KIF18B: variants seen among roughly 807,000 people sequenced by gnomAD.
KIF18B encodes the protein kinesin family member 18B, also known as kinesin-like protein KIF18B.
A neutral mutation model predicts 80.9 loss-of-function variants in KIF18B; 49 were observed. The observed-to-expected ratio is 0.61, with a 90% CI of 0.48 to 0.77. The LOEUF is 0.77. KIF18B is among the 30% of genes least tolerant of loss of function. The pLI, the probability that KIF18B is intolerant of heterozygous loss-of-function variation, is 0.00. For synonymous variants in KIF18B, 439 were observed against 463.9 expected, an observed-to-expected ratio of 0.95 and a Z score of 0.69; for missense variants, 994 against 1,127.7, an observed-to-expected ratio of 0.88 and a Z score of 1.70.
chr17:44,944,345 C>T (rs781193764), intron 1 of KIF18B, among the ~76,000 whole-genome samples: 2 of 151,974 alleles, frequency 1.3e-5, no homozygotes, highest in Non-Finnish European at 2.9e-5. Context: ...CCGGTCCAAG[C>T]GATTCTCCTG....
chr17:44,946,980 G>A (rs1390021792), intron 1 of KIF18B, among the ~76,000 whole-genome samples: 1 of 151,618 alleles, frequency 6.6e-6, no homozygotes, highest in East Asian at 1.9e-4. Flanking sequence ...GTGGTGGTGG[G>A]CGCCTTTAAT....
At chr17:44,930,403 A>T (rs1434174329) in intron 11 of KIF18B, among the ~76,000 whole-genome samples, 1 of 152,252 alleles carries the variant, frequency 6.6e-6, no homozygotes, top group Middle Eastern at 3.2e-3. Flanking sequence ...ACTTCAGCAT[A>T]AGATTTCATT....
rs1357209729 is a variant in KIF18B, at chr17:44,928,817, A to T, written c.1723+2T>A. 2 of 1,613,164 alleles carry T rather than the reference A, an allele frequency of 1.2e-6. No homozygotes were observed. The highest frequency in any genetic ancestry group is 1.7e-6 in the Non-Finnish European group (2 of 1,179,598). The stretch of plus-strand genomic sequence containing the variant: ...GGCAGGGGAGAGCAGGATGAGACTC[A>T]CTTGACTCTGAACACAGCTCCTGAG... On this transcript the variant is annotated splice_donor_variant, in intron 12 of 15. Transcript: ENST00000593135. LOFTEE classifies it high-confidence loss of function.
intron 1 of KIF18B, among the ~76,000 whole-genome samples, chr17:44,940,005 T>A (rs1406518737): frequency 6.6e-6 from 1 of 152,144 alleles, no homozygotes; most frequent in Non-Finnish European, 1.5e-5. Context: ...GGTCTCCAAC[T>A]CCTGACCTCA....
At chr17:44,930,724 A>T (rs980025867) in intron 11 of KIF18B, among the ~76,000 whole-genome samples, 1 of 152,180 alleles carries the variant, frequency 6.6e-6, no homozygotes, top group Admixed American at 6.5e-5. Context: ...CTCTCTCCTT[A>T]TAACAGGGGA....
At chr17:44,941,282 A>C (rs1281123790) in intron 1 of KIF18B, among the ~76,000 whole-genome samples, 1 of 152,048 alleles carries the variant, frequency 6.6e-6, no homozygotes, top group Non-Finnish European at 1.5e-5. Context: ...CCTTTTATGG[A>C]ATTAGCGTTC....
At position 44,926,149 on chromosome 17, in the gene KIF18B, C is replaced by A. The variant is rs1327313970; in HGVS notation, c.2490G>T (p.Arg830Ser). 2.5e-6 allele frequency: 4 copies of A among 1,613,930 alleles called. No homozygotes were observed. Among genetic ancestry groups the A allele is most frequent in the Non-Finnish European group, 3.4e-6 (4 of 1,179,874 alleles). Reference protein sequence around the residue: ...PLSPLCPSNRRNGKDLIRVGR... With the variant: ...PLSPLCPSNRSNGKDLIRVGR... ...CCACCCTGATGAGGTCCTTTCCATTCCTCCGGTTGCTAGGGCACAGGGGAC... is the reference window on the plus strand; with the variant it reads ...CCACCCTGATGAGGTCCTTTCCATTACTCCGGTTGCTAGGGCACAGGGGAC... The change falls in exon 16 of 16, where the codon AGG becomes AGT. Residue 830 changes from arginine (R) to serine (S), a missense_variant. By Grantham distance (110) the Arg-to-Ser change is moderately radical. Transcript: ENST00000593135.
In KIF18B at chr17:44,946,667, A is replaced by C. The variant is rs1157906737; in HGVS notation, c.-15+961T>G. ...TGACGATGGAGGAACCAGTGTCTTC[A>C]GTAAAATCCCTTAAGTTCTGTGGCA... On this transcript the variant is annotated intron_variant, in intron 1 of 15. Transcript: ENST00000593135. Among the ~76,000 whole-genome samples the C allele has an allele frequency of 2.6e-5, 4 of 152,228 alleles. No individual in the cohort carries two copies. In the East Asian group the frequency reaches 7.7e-4, roughly 29 times the overall value.
In KIF18B at chr17:44,936,260, C is replaced by T. The variant is rs1305672907; in HGVS notation, c.85G>A (p.Val29Met). 6.2e-7 allele frequency: 1 copy of T among 1,610,480 alleles called. No homozygotes were observed. Reference protein sequence around the residue: ...PRELDSQRRPVVQVVDERVLV... With the variant: ...PRELDSQRRPMVQVVDERVLV... ...ACCCGCTCGTCCACCACCTGAACCA[C>T]TGGCCGCCGCTGACTGTCCAGCTCC... The change falls in exon 2 of 16, where the codon GTG becomes ATG. Residue 29 changes from valine to methionine, a missense_variant. Coordinates refer to ENST00000593135, the MANE Select transcript of KIF18B (RefSeq NM_001265577.2).
intron 1 of KIF18B, among the ~76,000 whole-genome samples, chr17:44,945,852 G>A (rs1304526904): frequency 1.3e-5 from 2 of 150,196 alleles, no homozygotes; most frequent in African/African-American, 4.9e-5. Flanking sequence ...GTTGCAGGGA[G>A]CTGAGGTGGT....
At chr17:44,947,136 AAAAAAAT>A (rs1167665335) in intron 1 of KIF18B, among the ~76,000 whole-genome samples, 3 of 145,528 alleles carry the variant, frequency 2.1e-5, no homozygotes, top group African/African-American at 7.8e-5. Context: ...AAAAAAAAAA[AAAAAAAT>A]TTTACTGCGT....
At chr17:44,947,408 G>C (rs56986638) in intron 1 of KIF18B, among the ~76,000 whole-genome samples, 3 of 152,080 alleles carry the variant, frequency 2.0e-5, no homozygotes, top group African/African-American at 7.2e-5. Flanking sequence ...CCACCCGTAC[G>C]GGTGTGTAAG....
At chr17:44,931,488 T>G in intron 11 of KIF18B, 114 bp downstream of exon 11, 1 of 1,365,022 alleles carries the variant, frequency 7.3e-7, no homozygotes, top group Non-Finnish European at 1.0e-6. Flanking sequence ...TAAAGGACAG[T>G]GCTGATGAAG....
rs992628977 is a variant in KIF18B, at chr17:44,934,807, T to A, written c.576+24A>T. ...CCCCAAGGACCCATGGGGCCGATCA[T>A]CCTACCCGAGCCCAATCCCACACCT... On this transcript the variant is annotated intron_variant, in intron 4 of 15. Coordinates refer to ENST00000593135, the MANE Select transcript of KIF18B (RefSeq NM_001265577.2). This position sits in a 1 kb window ranked among gnomAD's most constrained non-coding sequence, Gnocchi z 5.4. The A allele has an allele frequency of 6.6e-7, 1 of 1,504,182 alleles. No homozygotes were observed. Among genetic ancestry groups the A allele is most frequent in the Admixed American group, 2.0e-5 (1 of 49,926 alleles). The allele number at this position is 1,504,182 out of a possible 1,614,324, so 93.2% of individuals were successfully genotyped here.
At chr17:44,926,520 A>G (rs1420010544) in intron 14 of KIF18B, 21 bp from the exon 15 acceptor site, 1 of 1,567,332 alleles carries the variant, frequency 6.4e-7, no homozygotes, top group African/African-American at 1.4e-5. Flanking sequence ...AAAGGAGGGA[A>G]GGTGGAAGGT....
Position 44,928,976 on chromosome 17 carries a change from G to A in KIF18B, c.1566C>T (p.Leu522=). The A allele has an allele frequency of 6.2e-7, 1 of 1,614,034 alleles. No individual in the cohort carries two copies. Among genetic ancestry groups the A allele is most frequent in the African/African-American group, 1.3e-5 (1 of 75,040 alleles). Residue 522 remains leucine, a synonymous_variant, in exon 12 of 16, where the codon CTC becomes CTT. Transcript: ENST00000593135. The stretch of plus-strand genomic sequence containing the variant: ...CGGGCGTCAGGAGGTTGGCTGCTTG[G>A]AGCAGGGAGTACTGCCGCTGGGCAA... ...LCVAQRQYSL[L]QAANLLTPDM...
chr17:44,928,613 G>A (rs2052082397), intron 12 of KIF18B, 35 bp from the exon 13 acceptor site: 1 of 1,442,850 alleles, frequency 6.9e-7, no homozygotes, highest in South Asian at 1.5e-5. Context: ...TAGAACTTGG[G>A]GAGCCAGACA....
At chr17:44,938,111 G>A (rs1461439801) in intron 1 of KIF18B, among the ~76,000 whole-genome samples, 1 of 152,082 alleles carries the variant, frequency 6.6e-6, no homozygotes, top group Non-Finnish European at 1.5e-5. Flanking sequence ...TGCCTCCCAG[G>A]TTCAAGCAAT....
intron 1 of KIF18B, among the ~76,000 whole-genome samples, chr17:44,939,403 T>C (rs2052375180): frequency 7.2e-6 from 1 of 139,414 alleles, no homozygotes; most frequent in Non-Finnish European, 1.6e-5. Flanking sequence ...GAAACATGAA[T>C]TTGTTTCTGG....
Sources: allele counts gnomAD v4.1 joint callset (sites outside exome capture counted in the v4.1 genomes callset), GRCh38; gene constraint gnomAD v4.1.1; non-coding constraint Gnocchi (gnomAD v3.1); transcripts MANE v1.5; gene names NCBI Gene and HGNC (gene_info 2026-07-23, HGNC 2026-07-21).